TYRP1: variants seen among roughly 807,000 people sequenced by gnomAD.
TYRP1 encodes tyrosinase related protein 1.
In TYRP1, 49 loss-of-function variants were observed where a neutral mutation model predicts 42.8. That is an observed-to-expected ratio of 1.14 (90% CI 0.91 to 1.45). The LOEUF is 1.45. Ranked by LOEUF, TYRP1 falls within the 40% of genes most tolerant of loss-of-function variation. The pLI is 0.00. For synonymous variants in TYRP1, 279 were observed against 235.4 expected (o/e 1.19, Z -1.69); for missense variants, 848 against 662.0 (o/e 1.28, Z -3.08).
chr9:12,697,215 A>G (rs1227156653), intron 3 of TYRP1, among the ~76,000 whole-genome samples: 1 of 152,204 alleles, frequency 6.6e-6, no homozygotes, highest in Non-Finnish European at 1.5e-5. Flanking sequence ...GAAAGTATCT[A>G]AAAGCTTCAA....
At chr9:12,696,906 T>C (rs1818087819) in intron 3 of TYRP1, among the ~76,000 whole-genome samples, 1 of 152,188 alleles carries the variant, frequency 6.6e-6, no homozygotes, top group African/African-American at 2.4e-5. Context: ...TTTAGATTCA[T>C]TTATTAATTT....
In TYRP1 at chr9:12,703,909, G is replaced by GTGTGTA. The variant is rs565045669; in HGVS notation, c.1082-616_1082-615insGTGTAT. Among the ~76,000 whole-genome samples, 56 of 121,646 alleles carry GTGTGTA rather than the reference G, an allele frequency of 4.6e-4. No homozygotes were observed. In the East Asian group the frequency reaches 5.2e-3, roughly 11 times the overall value. 79.8% of individuals were successfully genotyped at this position (121,646 alleles called of 152,430 possible). ...TGTGTGTGTGTGTGTGTGTGTGTGT[G>GTGTGTA]TATATATGTGTGTGTATATGTATAT... On this transcript the variant is annotated intron_variant, in intron 5 of 7. Transcript: ENST00000388918.
rs189884971 is a variant in TYRP1, at chr9:12,694,401, A to C, written c.385+20A>C. On this transcript the variant is annotated intron_variant, in intron 2 of 7. Coordinates refer to ENST00000388918, the MANE Select transcript of TYRP1 (RefSeq NM_000550.3). ...TCATAGGTAAGTGGAGATATGAATG[A>C]GTTCATAAGTCCTGCATGAGACTCA... 97 of 1,612,776 alleles carry C rather than the reference A, an allele frequency of 6.0e-5. No homozygotes were observed. In the East Asian group the frequency reaches 1.6e-3, roughly 26 times the overall value.
intron 6 of TYRP1, 75 bp downstream of exon 6, chr9:12,704,780 T>A (rs1378002931): frequency 4.8e-6 from 7 of 1,447,480 alleles, no homozygotes; most frequent in Non-Finnish European, 6.8e-6. Flanking sequence ...CAGTTCAAGC[T>A]GAGCACTCAG....
chr9:12,696,677 T>C (rs576729771), intron 3 of TYRP1, among the ~76,000 whole-genome samples: 299 of 152,292 alleles, frequency 2.0e-3, no homozygotes, highest in African/African-American at 6.8e-3. Flanking sequence ...CATATTAAAG[T>C]ATCTAGTTAC....
Position 12,694,043 on chromosome 9 carries a change from T to C in TYRP1, c.47T>C (p.Leu16Ser). 6.2e-7 allele frequency: 1 copy of C among 1,614,046 alleles called. No homozygotes were observed. Among genetic ancestry groups the C allele is most frequent in the Non-Finnish European group, 8.5e-7 (1 of 1,180,002 alleles). Residue 16 changes from leucine to serine, a missense_variant, in exon 2 of 8, where the codon TTG becomes TCG. By Grantham distance (145) the Leu-to-Ser change is moderately radical. Transcript: ENST00000388918. ...LLSLGCIFFPLLLFQQARAQF... is the reference protein window; with the variant it reads ...LLSLGCIFFPSLLFQQARAQF... ...TCTCTGGGCTGTATCTTCTTCCCCTTGCTACTTTTTCAGCAGGCCCGGGCT... is the reference window on the plus strand; with the variant it reads ...TCTCTGGGCTGTATCTTCTTCCCCTCGCTACTTTTTCAGCAGGCCCGGGCT...
Position 12,694,319 on chromosome 9 carries a change from A to G in TYRP1, c.323A>G (p.His108Arg). ...TCHCNGNFSG[H>R]NCGTCRPGWR... is the part of the protein sequence containing the mutation. ...CACTGCAACGGCAATTTCTCAGGACACAACTGTGGGACGTGCCGTCCTGGC... is the reference window on the plus strand; with the variant it reads ...CACTGCAACGGCAATTTCTCAGGACGCAACTGTGGGACGTGCCGTCCTGGC... The change falls in exon 2 of 8, where the codon CAC becomes CGC. Residue 108 changes from histidine (H) to arginine (R), a missense_variant. By Grantham distance (29) the His-to-Arg change is conservative. Transcript: ENST00000388918. The G allele has an allele frequency of 6.2e-7, 1 of 1,614,078 alleles. No homozygotes were observed. The highest frequency in any genetic ancestry group is 8.5e-7 in the Non-Finnish European group (1 of 1,180,006).
rs866994632 is a variant in TYRP1, at chr9:12,694,177, G to A, written c.181G>A (p.Gly61Arg). The A allele has an allele frequency of 9.3e-6, 15 of 1,613,994 alleles. No individual in the cohort carries two copies. The Middle Eastern group carries it at 2.3e-3, about 248-fold the overall frequency. ...GACAGACCGCTGTGGCTCATCATCA[G>A]GGAGGGGCAGATGTGAGGCAGTGAC... Reference protein sequence around the residue: ...PGTDRCGSSSGRGRCEAVTAD... With the variant: ...PGTDRCGSSSRRGRCEAVTAD... Residue 61 changes from glycine (G) to arginine (R), a missense_variant, in exon 2 of 8, where the codon GGG becomes AGG. By Grantham distance (125) the Gly-to-Arg change is moderately radical. Transcript: ENST00000388918.
intron 2 of TYRP1, 31 bp from the exon 3 acceptor site, chr9:12,695,483 TG>T (rs745925844): frequency 2.2e-5 from 35 of 1,607,652 alleles, no homozygotes; most frequent in Non-Finnish European, 2.9e-5. Flanking sequence ...GCAAGGCAGA[TG>T]TTTTCATGCT....
chr9:12,697,091 T>C (rs1308753656), intron 3 of TYRP1, among the ~76,000 whole-genome samples: 1 of 152,162 alleles, frequency 6.6e-6, no homozygotes, highest in African/African-American at 2.4e-5. Flanking sequence ...ATAGCTCTGA[T>C]TGCAAGTAAG....
intron 6 of TYRP1, 58 bp downstream of exon 6, chr9:12,704,763 T>C: frequency 6.5e-7 from 1 of 1,532,688 alleles, no homozygotes; most frequent in Non-Finnish European, 9.0e-7. Context: ...TTAGATGGCA[T>C]AGTTATCAGT....
In TYRP1 at chr9:12,702,391, C is replaced by G. The variant is rs1030561709; in HGVS notation, c.1034C>G (p.Pro345Arg). 5.6e-6 allele frequency: 9 copies of G among 1,612,878 alleles called. No homozygotes were observed. The highest frequency in any genetic ancestry group is 1.7e-5 in the Admixed American group (1 of 59,780). The change falls in exon 5 of 8, where the codon CCT becomes CGT. Residue 345 changes from proline to arginine, a missense_variant. Transcript: ENST00000388918. ...QCLEVGLFDT[P>R]PFYSNSTNSF... ...TTGGAAGTTGGTTTATTTGACACGC[C>G]TCCTTTTTATTCCAACTCTACAAAC...
At position 12,709,584 on chromosome 9, in the gene TYRP1, A is replaced by G. The variant is rs1818323993; in HGVS notation, c.*402A>G. On this transcript the variant is annotated 3_prime_UTR_variant, in exon 8 of 8. Transcript: ENST00000388918. ...GCATTTCTAAAATGTTAAAACATAA[A>G]CACATTTCCATTCATGGATATTTGT... 1.5e-5 allele frequency: 3 copies of G among 194,122 alleles called. No individual in the cohort carries two copies. In the South Asian group the frequency reaches 3.1e-4, roughly 20 times the overall value. 12.0% of individuals were successfully genotyped at this position (194,122 alleles called of 1,614,324 possible).
chr9:12,694,549 G>A lies in TYRP1; in HGVS notation c.385+168G>A, dbSNP rs79782414. The A allele has an allele frequency of 8.4e-4, 711 of 846,256 alleles. 3 individuals carry two copies. The African/African-American group carries it at 0.011, about 13-fold the overall frequency. The allele number at this position is 846,256 out of a possible 1,614,324, so 52.4% of individuals were successfully genotyped here. A position where few individuals can be genotyped will look rare whatever the true frequency, so the allele number is the denominator to read the frequency against. Reference sequence around the variant, plus strand: ...AGAAAGGTTAAGAAACTTGTTTAATGTAAAGGGTTGGAGTTGAAGCTCAGA... The same window carrying A: ...AGAAAGGTTAAGAAACTTGTTTAATATAAAGGGTTGGAGTTGAAGCTCAGA... On this transcript the variant is annotated intron_variant, in intron 2 of 7. Transcript: ENST00000388918.
Position 12,694,329 on chromosome 9 carries a change from G to T in TYRP1, c.333G>T (p.Gly111=), listed in dbSNP as rs766327901. 5 of 1,614,066 alleles carry T rather than the reference G, an allele frequency of 3.1e-6. No individual in the cohort carries two copies. Among genetic ancestry groups the T allele is most frequent in the Non-Finnish European group, 4.2e-6 (5 of 1,180,012 alleles). Residue 111 remains glycine (G), a synonymous_variant, in exon 2 of 8, where the codon GGG becomes GGT. Coordinates refer to ENST00000388918, the MANE Select transcript of TYRP1 (RefSeq NM_000550.3). ...GCAATTTCTCAGGACACAACTGTGG[G>T]ACGTGCCGTCCTGGCTGGAGAGGAG... ...CNGNFSGHNC[G]TCRPGWRGAA...
At position 12,698,434 on chromosome 9, in the gene TYRP1, T is replaced by C. The variant is rs751309291; in HGVS notation, c.709-17T>C. On this transcript the variant is annotated splice_polypyrimidine_tract_variant and intron_variant, in intron 3 of 7. Transcript: ENST00000388918. ...TAAACAGAAGCAGAGAGTATTAATG[T>C]GGTTTCTGTGATCTAGGAAATGTTG... 6.2e-6 allele frequency: 10 copies of C among 1,607,268 alleles called. No individual in the cohort carries two copies. The Admixed American group carries it at 1.5e-4, about 24-fold the overall frequency.
rs1433637090 is a variant in TYRP1, at chr9:12,694,098, G to A, written c.102G>A (p.Glu34=). ...AQFPRQCATV[E]ALRSGMCCPD... Reference sequence around the variant, plus strand: ...TCCCAAGACAGTGTGCCACTGTTGAGGCTTTGAGAAGTGGTATGTGTTGCC... The same window carrying A: ...TCCCAAGACAGTGTGCCACTGTTGAAGCTTTGAGAAGTGGTATGTGTTGCC... The change falls in exon 2 of 8, where the codon GAG becomes GAA. Residue 34 remains glutamate (E), a synonymous_variant. Transcript: ENST00000388918. 2 of 1,613,938 alleles carry A rather than the reference G, an allele frequency of 1.2e-6. No homozygotes were observed. Among genetic ancestry groups the A allele is most frequent in the African/African-American group, 2.7e-5 (2 of 74,874 alleles).
rs1818027040 is a variant in TYRP1 at position 12,693,498 on chromosome 9, TG to T, written c.-86+24del. On this transcript the variant is annotated intron_variant, in intron 1 of 7. Coordinates refer to ENST00000388918, the MANE Select transcript of TYRP1 (RefSeq NM_000550.3). ...TGTGAGGTACTGGAAAGAAGTCCTA[TG>T]GGGAGTGGGTGGACACGTGCCAAAA... is the stretch of plus-strand genomic sequence containing the variant. The T allele has an allele frequency of 6.0e-6, 1 of 165,898 alleles. No homozygotes were observed. Among genetic ancestry groups the T allele is most frequent in the Non-Finnish European group, 1.3e-5 (1 of 75,552 alleles). 10.3% of individuals were successfully genotyped at this position (165,898 alleles called of 1,614,324 possible). A position where few individuals can be genotyped will look rare whatever the true frequency, so the allele number is the denominator to read the frequency against.
intron 4 of TYRP1, among the ~76,000 whole-genome samples, chr9:12,699,135 G>A (rs1250836384): frequency 1.3e-5 from 2 of 152,078 alleles, no homozygotes; most frequent in African/African-American, 2.4e-5. Flanking sequence ...CTGATATGGG[G>A]GATAGTTTTC....
Sources: gnomAD v4.1 joint callset for allele counts (sites outside exome capture counted in the v4.1 genomes callset) on GRCh38, gnomAD v4.1.1 for gene constraint, MANE v1.5 for transcripts, NCBI Gene and HGNC (gene_info 2026-07-23, HGNC 2026-07-21) for gene names.